The following UNC79 variants were observed in gnomAD, a reference collection of about 807,000 sequenced individuals.
UNC79 encodes the protein protein unc-79 homolog.
UNC79 carries 37 observed loss-of-function variants against 283.1 expected under a neutral mutation model. That is an observed-to-expected ratio of 0.13 (90% CI 0.10 to 0.17). UNC79 has a LOEUF of 0.17. Among genes scored for constraint, UNC79 ranks in the 10% least tolerant of loss-of-function variants. The probability of loss-of-function intolerance (pLI) is 1.00; values close to 1 mark genes in which losing one functional copy is unlikely to be tolerated. For synonymous variants in UNC79, 1,107 were observed against 1,200.2 expected, an observed-to-expected ratio of 0.92 and a Z score of 1.61; for missense variants, 2,272 against 3,211.1, an observed-to-expected ratio of 0.71 and a Z score of 7.07.
chr14:93,378,024 T>C (rs920011418), intron 1 of UNC79, among the ~76,000 whole-genome samples: 3 of 152,228 alleles, frequency 2.0e-5, no homozygotes, highest in African/African-American at 7.2e-5. Context: ...TAACACTTGT[T>C]TTAGAAATCA....
chr14:93,703,684 T>C (rs879944096), intron 47 of UNC79, among the ~76,000 whole-genome samples: 2 of 152,198 alleles, frequency 1.3e-5, no homozygotes, highest in Admixed American at 6.5e-5. Flanking sequence ...TACTCCTTTA[T>C]TTGAGTGGAG....
rs770168229 is a variant in UNC79 at position 93,621,663 on chromosome 14, A to C, written c.4430A>C (p.Gln1477Pro). The change falls in exon 30 of 49, where the codon CAA becomes CCA. Residue 1477 changes from glutamine to proline, a missense_variant. Gln to Pro is a moderately conservative substitution (Grantham distance 76). This residue lies in a region of UNC79 where 580 missense variants were observed against 632.2 expected (regional missense o/e 0.92). Transcript: ENST00000555664. This position sits in a 1 kb window ranked among gnomAD's most constrained non-coding sequence, Gnocchi z 4.8. Reference sequence around the variant, plus strand: ...GAATATAGAGAGACGGGTGCATTACAAGACAGCCTTCTCCACTGTGTGAGA... The same window carrying C: ...GAATATAGAGAGACGGGTGCATTACCAGACAGCCTTCTCCACTGTGTGAGA... 2 of 1,603,916 alleles carry C rather than the reference A, an allele frequency of 1.2e-6. No individual in the cohort carries two copies. The highest frequency in any genetic ancestry group is 1.7e-5 in the Admixed American group (1 of 58,068).
chr14:93,649,234 A>G (rs2069976481), intron 35 of UNC79, among the ~76,000 whole-genome samples: 1 of 152,320 alleles, frequency 6.6e-6, no homozygotes, highest in Non-Finnish European at 1.5e-5. Context: ...TCGCATTTCT[A>G]TAATTTATTT....
At chr14:93,479,869 A>G (rs1019852911) in intron 4 of UNC79, among the ~76,000 whole-genome samples, 1 of 152,130 alleles carries the variant, frequency 6.6e-6, no homozygotes, top group Non-Finnish European at 1.5e-5. Context: ...CCCAGCCTCA[A>G]GTGATCCTCT....
At chr14:93,475,319 A>G (rs1226423348) in intron 3 of UNC79, among the ~76,000 whole-genome samples, 1 of 152,216 alleles carries the variant, frequency 6.6e-6, no homozygotes, top group Admixed American at 6.5e-5. Context: ...TTTGGAAAAT[A>G]AGTGGGTAGT....
At chr14:93,434,956 C>T (rs1212450154) in intron 1 of UNC79, among the ~76,000 whole-genome samples, 1 of 152,076 alleles carries the variant, frequency 6.6e-6, no homozygotes, top group African/African-American at 2.4e-5. Flanking sequence ...CAAAGATAAA[C>T]AATTTTAAGA....
intron 30 of UNC79, among the ~76,000 whole-genome samples, chr14:93,627,351 G>C (rs1398733701): frequency 6.6e-6 from 1 of 152,142 alleles, no homozygotes; most frequent in Admixed American, 6.5e-5. Context: ...GATATTGTCT[G>C]TATGCTAAGA....
rs373154513 is a variant in UNC79 at position 93,513,171 on chromosome 14, T to TTCCC, written c.899-10789_899-10786dup. Among the ~76,000 whole-genome samples, 84 of 147,602 alleles carry TTCCC rather than the reference T, an allele frequency of 5.7e-4. 1 individual carries two copies. The highest frequency in any genetic ancestry group is 2.0e-3 in the African/African-American group (78 of 39,858). On this transcript the variant is annotated intron_variant, in intron 7 of 48. Transcript: ENST00000555664. The stretch of plus-strand genomic sequence containing the variant: ...TGTACATATTTTTGTTTTTTTGTTT[T>TTCCC]TCCCTCCCTCCCTCCCTCCCTTCCT...
chr14:93,526,431 AAAAC>A (rs2060552462), intron 8 of UNC79, among the ~76,000 whole-genome samples: 1 of 152,246 alleles, frequency 6.6e-6, no homozygotes, highest in Non-Finnish European at 1.5e-5. Flanking sequence ...TACATAGTGA[AAAAC>A]AATCAGTAAT....
intron 35 of UNC79, among the ~76,000 whole-genome samples, chr14:93,649,164 T>C (rs1447998192): frequency 6.6e-6 from 1 of 152,170 alleles, no homozygotes; most frequent in African/African-American, 2.4e-5. Flanking sequence ...AATGATAGAG[T>C]GTATATGATA....
At chr14:93,371,569 G>A (rs979383302) in intron 1 of UNC79, among the ~76,000 whole-genome samples, 10 of 152,072 alleles carry the variant, frequency 6.6e-5, no homozygotes, top group Admixed American at 2.0e-4. Context: ...AGCCGGGCTA[G>A]GTGGCTCACG....
chr14:93,678,460 G>A lies in UNC79; in HGVS notation c.6742-4157G>A, dbSNP rs202231369. On this transcript the variant is annotated intron_variant, in intron 41 of 48. Transcript: ENST00000555664. ...CTAATTAATAACAGTAGATAGATGA[G>A]CTCACTAAGATGGAACCATTTCTAT... Among the ~76,000 whole-genome samples, 4 of 152,170 alleles carry A rather than the reference G, an allele frequency of 2.6e-5. No individual in the cohort carries two copies. In the South Asian group the frequency reaches 8.3e-4, roughly 31 times the overall value.
chr14:93,518,562 GTTTC>G (rs2060179950), intron 7 of UNC79, among the ~76,000 whole-genome samples: 1 of 151,412 alleles, frequency 6.6e-6, no homozygotes, highest in African/African-American at 2.4e-5. Flanking sequence ...ATTGATTTCT[GTTTC>G]TTTATTGTTT....
intron 47 of UNC79, among the ~76,000 whole-genome samples, chr14:93,699,901 A>G (rs537037037): frequency 2.0e-5 from 3 of 152,144 alleles, no homozygotes; most frequent in African/African-American, 7.2e-5. Flanking sequence ...ATAGATCTAA[A>G]CATTCATCTT....
At chr14:93,567,479 G>A (rs2062961683) in intron 14 of UNC79, among the ~76,000 whole-genome samples, 1 of 152,072 alleles carries the variant, frequency 6.6e-6, no homozygotes, top group Admixed American at 6.5e-5. Flanking sequence ...CACCCATCTT[G>A]GCCTCCCAAA....
chr14:93,668,228 G>A (rs911957062), intron 40 of UNC79, among the ~76,000 whole-genome samples: 2 of 152,118 alleles, frequency 1.3e-5, no homozygotes. Context: ...TTTTTCATAG[G>A]TGATACGATT....
chr14:93,566,740 C>T (rs1213534149), intron 14 of UNC79, among the ~76,000 whole-genome samples: 4 of 150,190 alleles, frequency 2.7e-5, no homozygotes, highest in Non-Finnish European at 5.9e-5. Flanking sequence ...CGGGTTCAAG[C>T]GATTCTCCTG....
chr14:93,389,235 T>C (rs2054836193), intron 1 of UNC79, among the ~76,000 whole-genome samples: 1 of 152,164 alleles, frequency 6.6e-6, no homozygotes, highest in Non-Finnish European at 1.5e-5. Flanking sequence ...CCAAAGCAAG[T>C]TGCTCAAACC....
intron 47 of UNC79, among the ~76,000 whole-genome samples, chr14:93,703,551 C>A (rs1595157943): frequency 6.6e-6 from 1 of 152,146 alleles, no homozygotes; most frequent in East Asian, 1.9e-4. Context: ...TCAAGTATGA[C>A]CCCATCTTAA....
Sources: gnomAD v4.1 joint callset for allele counts (sites outside exome capture counted in the v4.1 genomes callset) on GRCh38, gnomAD v4.1.1 for gene constraint, gnomAD v4.1.1 regional missense constraint, Gnocchi (gnomAD v3.1) non-coding constraint, MANE v1.5 for transcripts, NCBI Gene and HGNC (gene_info 2026-07-23, HGNC 2026-07-21) for gene names.